PRKN: variants seen among roughly 807,000 people sequenced by gnomAD.
PRKN encodes E3 ubiquitin-protein ligase parkin.
A neutral mutation model predicts 59.5 loss-of-function variants in PRKN; 56 were observed. The ratio of observed to expected loss-of-function variants is 0.94; its 90% CI spans 0.76 to 1.18. PRKN has a LOEUF of 1.18. PRKN is among the 50% of genes most tolerant of loss of function. PRKN has a pLI of 0.00. For missense variants in PRKN, 657 were observed against 596.4 expected (o/e 1.10, Z -1.06); for synonymous variants, 250 against 222.1 (o/e 1.13, Z -1.12).
At chr6:161,653,007 A>C (rs143041505) in intron 7 of PRKN, among the ~76,000 whole-genome samples, 1,669 of 152,314 alleles carry the variant, frequency 0.011, 9 homozygotes, top group South Asian at 0.025. Context: ...ATCTTGCTTC[A>C]TCGGAATCAA....
intron 1 of PRKN, among the ~76,000 whole-genome samples, chr6:162,459,815 C>T (rs931873611): frequency 1.3e-5 from 2 of 152,156 alleles, no homozygotes; most frequent in Admixed American, 1.3e-4. Flanking sequence ...CTAGTAATCA[C>T]CAACATTACT....
chr6:162,357,505 T>C (rs915955387), intron 2 of PRKN, among the ~76,000 whole-genome samples: 1 of 152,178 alleles, frequency 6.6e-6, no homozygotes, highest in South Asian at 2.1e-4. Context: ...TCAGTGAGAA[T>C]GTGGAGCAAA....
chr6:162,557,420 T>G (rs1374635907), intron 1 of PRKN, among the ~76,000 whole-genome samples: 1 of 152,244 alleles, frequency 6.6e-6, no homozygotes, highest in East Asian at 1.9e-4. Context: ...CACGTGGTCT[T>G]GCCCTGAACC....
intron 6 of PRKN, among the ~76,000 whole-genome samples, chr6:161,924,281 C>T (rs541713830): frequency 6.6e-6 from 1 of 152,298 alleles, no homozygotes; most frequent in South Asian, 2.1e-4. Flanking sequence ...TCACACACTC[C>T]AGGAAGGCCT....
intron 7 of PRKN, among the ~76,000 whole-genome samples, chr6:161,625,466 G>A (rs1172912732): frequency 2.0e-5 from 3 of 152,088 alleles, no homozygotes; most frequent in South Asian, 2.1e-4. Context: ...TAACGTAAAC[G>A]ACGAGTTGAT....
chr6:161,573,787 T>TATATAC (rs1482931383), intron 7 of PRKN, among the ~76,000 whole-genome samples: 3 of 97,024 alleles, frequency 3.1e-5, no homozygotes, highest in Non-Finnish European at 6.1e-5. Context: ...TATATATATA[T>TATATAC]ATATATATAA....
At chr6:161,625,385 G>C (rs1245461807) in intron 7 of PRKN, among the ~76,000 whole-genome samples, 1 of 151,606 alleles carries the variant, frequency 6.6e-6, no homozygotes, top group African/African-American at 2.4e-5. Flanking sequence ...GACAGAGGAA[G>C]GGGAACATCA....
chr6:162,498,229 G>C (rs747873207), intron 1 of PRKN, among the ~76,000 whole-genome samples: 2 of 151,832 alleles, frequency 1.3e-5, no homozygotes, highest in Non-Finnish European at 2.9e-5. Flanking sequence ...TTGTGTACAA[G>C]TCTCCTGTAC....
At chr6:161,859,857 T>A (rs576544489) in intron 6 of PRKN, among the ~76,000 whole-genome samples, 1 of 152,226 alleles carries the variant, frequency 6.6e-6, no homozygotes, top group East Asian at 1.9e-4. Flanking sequence ...GATTTATATA[T>A]AAAGCAACAA....
intron 7 of PRKN, among the ~76,000 whole-genome samples, chr6:161,599,090 G>A (rs1006341072): frequency 2.0e-5 from 3 of 152,200 alleles, no homozygotes; most frequent in African/African-American, 7.2e-5. Flanking sequence ...GCTCAGACAA[G>A]GGGTGGGAGC....
At chr6:162,198,928 T>C (rs1784608104) in intron 4 of PRKN, among the ~76,000 whole-genome samples, 1 of 152,206 alleles carries the variant, frequency 6.6e-6, no homozygotes, top group East Asian at 1.9e-4. Context: ...TTTCTGTTTT[T>C]CTATTTTTTT....
rs1050254049 is a variant in PRKN, at chr6:161,614,352, G to A, written c.872-44936C>T. ...AGACATTATTTTAAACCAATTCACT[G>A]AGGACCAAAGAGGGCTCTATTAAGC... is the stretch of plus-strand genomic sequence containing the variant. On this transcript the variant is annotated intron_variant, in intron 7 of 11. Coordinates refer to ENST00000366898, the MANE Select transcript of PRKN (RefSeq NM_004562.3). 2.1e-4 allele frequency among the ~76,000 whole-genome samples: 32 copies of A among 152,292 alleles called. 1 individual carries two copies. The highest frequency in any genetic ancestry group is 7.5e-4 in the African/African-American group (31 of 41,554).
intron 4 of PRKN, among the ~76,000 whole-genome samples, chr6:162,135,129 G>A (rs988676842): frequency 1.3e-5 from 2 of 151,962 alleles, no homozygotes; most frequent in African/African-American, 4.8e-5. Flanking sequence ...TAAAATATTA[G>A]TTTTGTTGTT....
intron 6 of PRKN, among the ~76,000 whole-genome samples, chr6:161,886,885 T>C (rs1795175811): frequency 6.6e-6 from 1 of 152,132 alleles, no homozygotes; most frequent in Non-Finnish European, 1.5e-5. Context: ...ATTTTCTCCG[T>C]ATTGCAACAA....
At chr6:162,210,107 A>AAAAATAAAATAAAATAAAAT (rs142809214) in intron 3 of PRKN, among the ~76,000 whole-genome samples, 51,538 of 144,004 alleles carry the variant, frequency 0.36, 10,201 homozygotes, top group Non-Finnish European at 0.43. Context: ...TATAATAATA[A>AAAAATAAAATAAAATAAAAT]AAAATAAAAT....
rs575008473 is a variant in PRKN at position 161,382,056 on chromosome 6, G to A, written c.1167+4738C>T. ...GAACCCGGGAGGCAGAGCTTGCAGT[G>A]AGCCAAGATAGCGCCATTGTAGTCC... On this transcript the variant is annotated intron_variant, in intron 10 of 11. Transcript: ENST00000366898. 5.7e-5 allele frequency among the ~76,000 whole-genome samples: 8 copies of A among 140,652 alleles called. 1 individual carries two copies. In the South Asian group the frequency reaches 1.4e-3, roughly 25 times the overall value. 92.3% of individuals were successfully genotyped at this position (140,652 alleles called of 152,430 possible).
Position 161,369,294 on chromosome 6 carries a change from T to C in PRKN, c.1168-9089A>G, listed in dbSNP as rs980430434. Among the ~76,000 whole-genome samples, 2 of 152,204 alleles carry C rather than the reference T, an allele frequency of 1.3e-5. No individual in the cohort carries two copies. The highest frequency in any genetic ancestry group is 2.9e-5 in the Non-Finnish European group (2 of 68,036). On this transcript the variant is annotated intron_variant, in intron 10 of 11. Transcript: ENST00000366898. This position sits in a 1 kb window ranked among gnomAD's most constrained non-coding sequence, Gnocchi z 5.8. The stretch of plus-strand genomic sequence containing the variant: ...AAGGCTTGTGTCCAGACTCTGGAGA[T>C]TGGGATTCAGTAGGTCTGTGGCGGG...
intron 5 of PRKN, among the ~76,000 whole-genome samples, chr6:161,979,522 C>A (rs915294693): frequency 2.0e-5 from 3 of 152,154 alleles, no homozygotes; most frequent in Non-Finnish European, 2.9e-5. Context: ...GATCCACCCA[C>A]CTCAGCCTTT....
At position 161,785,761 on chromosome 6, in the gene PRKN, G is replaced by A; in HGVS notation, c.871+11C>T. On this transcript the variant is annotated intron_variant, in intron 7 of 11. Transcript: ENST00000366898. Reference sequence around the variant, plus strand: ...AGCATTAGAGATGGAGAGAAAACATGCTAGACTTACCCACACAAGGCAGGG... The same window carrying A: ...AGCATTAGAGATGGAGAGAAAACATACTAGACTTACCCACACAAGGCAGGG... 1 of 1,613,450 alleles carries A rather than the reference G, an allele frequency of 6.2e-7. No individual in the cohort carries two copies. Among genetic ancestry groups the A allele is most frequent in the East Asian group, 2.2e-5 (1 of 44,874 alleles).
Sources: allele counts gnomAD v4.1 joint callset (sites outside exome capture counted in the v4.1 genomes callset), GRCh38; gene constraint gnomAD v4.1.1; non-coding constraint Gnocchi (gnomAD v3.1); transcripts MANE v1.5; gene names NCBI Gene and HGNC (gene_info 2026-07-23, HGNC 2026-07-21).